Variants in COTL1 observed in about 807,000 individuals in gnomAD.
COTL1 encodes the protein coactosin like F-actin binding protein 1, also known as coactosin-like protein.
Under a neutral mutation model 16.5 loss-of-function variants are expected in COTL1, and 15 were observed. The ratio of observed to expected loss-of-function variants is 0.91; its 90% CI spans 0.61 to 1.40. The LOEUF is 1.40. COTL1 is among the 40% of genes most tolerant of loss of function. The probability of loss-of-function intolerance (pLI) is 0.00; values close to 1 mark genes in which losing one functional copy is unlikely to be tolerated. For synonymous variants in COTL1, 112 were observed against 85.3 expected (o/e 1.31, Z -1.73); for missense variants, 220 against 201.5 (o/e 1.09, Z -0.56).
intron 3 of COTL1, chr16:84,568,825 C>A (rs1904309661): frequency 6.6e-6 from 1 of 152,154 alleles, no homozygotes; most frequent in Non-Finnish European, 1.5e-5. Context: ...AACATTATTT[C>A]CATTTTAAAG....
At chr16:84,617,742 G>A (rs996619244) in intron 1 of COTL1, 96 bp downstream of exon 1, 17 of 1,402,514 alleles carry the variant, frequency 1.2e-5, no homozygotes, top group Non-Finnish European at 1.6e-5. Flanking sequence ...GACAGCGCGG[G>A]AGGCCCGAAT....
chr16:84,605,945 T>C (rs1471267028), intron 2 of COTL1, among the ~76,000 whole-genome samples: 1 of 152,250 alleles, frequency 6.6e-6, no homozygotes, highest in Non-Finnish European at 1.5e-5. Context: ...TATCAACTTA[T>C]TTATTTATTG....
At chr16:84,587,352 A>G (rs1045576965) in intron 3 of COTL1, among the ~76,000 whole-genome samples, 9 of 152,192 alleles carry the variant, frequency 5.9e-5, no homozygotes, top group African/African-American at 2.2e-4. Flanking sequence ...AAAAATGATT[A>G]TCTCGCCTCT....
intron 3 of COTL1, among the ~76,000 whole-genome samples, chr16:84,579,700 G>A (rs1490307608): frequency 6.6e-6 from 1 of 152,180 alleles, no homozygotes; most frequent in Non-Finnish European, 1.5e-5. Flanking sequence ...AAACCACCAC[G>A]GGGCGAAGAC....
intron 3 of COTL1, among the ~76,000 whole-genome samples, chr16:84,579,616 G>T (rs1308253569): frequency 2.0e-5 from 3 of 152,236 alleles, no homozygotes; most frequent in East Asian, 3.8e-4. Flanking sequence ...TGTGTGAGGT[G>T]GGGGGTAGTG....
chr16:84,616,508 T>A (rs1391157243), intron 2 of COTL1: 2 of 151,030 alleles, frequency 1.3e-5, no homozygotes, highest in African/African-American at 4.9e-5. Flanking sequence ...GTCTCAAAAA[T>A]AAATAAATAA....
chr16:84,587,644 G>A (rs958114600), intron 3 of COTL1, among the ~76,000 whole-genome samples: 1 of 151,792 alleles, frequency 6.6e-6, no homozygotes, highest in African/African-American at 2.4e-5. Flanking sequence ...AGATGAGAGT[G>A]TGACCTATAG....
intron 3 of COTL1, among the ~76,000 whole-genome samples, chr16:84,574,329 A>G (rs1165086942): frequency 6.6e-6 from 1 of 152,192 alleles, no homozygotes; most frequent in Non-Finnish European, 1.5e-5. Flanking sequence ...CCCTCGAGGC[A>G]GCTGCCACAA....
chr16:84,576,797 C>G (rs1028798698), intron 3 of COTL1: 1 of 152,380 alleles, frequency 6.6e-6, no homozygotes. Context: ...GGGATCAGAG[C>G]ATAGCTCTCA....
At chr16:84,568,298 A>C (rs1904307513) in intron 3 of COTL1, 1 of 152,218 alleles carries the variant, frequency 6.6e-6, no homozygotes, top group Admixed American at 6.5e-5. Flanking sequence ...ACGCCCGGCT[A>C]ACCACAATTA....
chr16:84,600,474 G>A (rs140301622), intron 2 of COTL1, among the ~76,000 whole-genome samples: 4 of 152,162 alleles, frequency 2.6e-5, no homozygotes, highest in Non-Finnish European at 5.9e-5. Context: ...CACCATGCTC[G>A]GCTAATTTTT....
At chr16:84,585,889 C>A (rs1400632715) in intron 3 of COTL1, among the ~76,000 whole-genome samples, 1 of 152,170 alleles carries the variant, frequency 6.6e-6, no homozygotes, top group Non-Finnish European at 1.5e-5. Flanking sequence ...TAGTTCAGGC[C>A]AGTATTCCAG....
chr16:84,569,810 C>T (rs570096826), intron 3 of COTL1, among the ~76,000 whole-genome samples: 4 of 152,196 alleles, frequency 2.6e-5, no homozygotes, highest in Admixed American at 6.5e-5. Flanking sequence ...CTGAGCCCCA[C>T]GGCATGAGGG....
intron 2 of COTL1, chr16:84,594,647 A>T (rs1397948784): frequency 6.6e-6 from 1 of 152,206 alleles, no homozygotes; most frequent in Non-Finnish European, 1.5e-5. Context: ...TTCCATGGTA[A>T]CCGCTCTCGG....
In COTL1 at chr16:84,618,009, G is replaced by T; in HGVS notation, c.-95C>A. 3 of 749,030 alleles carry T rather than the reference G, an allele frequency of 4.0e-6. No homozygotes were observed. Among genetic ancestry groups the T allele is most frequent in the Non-Finnish European group, 5.3e-6 (3 of 568,144 alleles). 46.4% of individuals were successfully genotyped at this position (749,030 alleles called of 1,614,324 possible). A position where few individuals can be genotyped will look rare whatever the true frequency, so the allele number is the denominator to read the frequency against. On this transcript the variant is annotated 5_prime_UTR_variant, in exon 1 of 4. Transcript: ENST00000262428. ...AGCGCGGCGGGTACGCGCCGAGGGC[G>T]CACGGGCTGGCGGCGGTGGCGACGG...
At chr16:84,605,775 C>T (rs1905200258) in intron 2 of COTL1, among the ~76,000 whole-genome samples, 1 of 152,256 alleles carries the variant, frequency 6.6e-6, no homozygotes. Flanking sequence ...TCCTGTGAGG[C>T]TCATGTCAGA....
At chr16:84,591,449 G>A (rs1904860270) in intron 2 of COTL1, among the ~76,000 whole-genome samples, 2 of 151,400 alleles carry the variant, frequency 1.3e-5, no homozygotes, top group Admixed American at 6.6e-5. Context: ...CTCCCAAAGT[G>A]CTGGGATTAC....
chr16:84,608,584 T>A (rs981714328), intron 2 of COTL1, among the ~76,000 whole-genome samples: 1 of 152,202 alleles, frequency 6.6e-6, no homozygotes, highest in African/African-American at 2.4e-5. Context: ...AAGGTAATGT[T>A]TTCGCAGCCC....
intron 2 of COTL1, among the ~76,000 whole-genome samples, chr16:84,591,529 G>A (rs553823712): frequency 2.7e-5 from 4 of 149,986 alleles, no homozygotes; most frequent in African/African-American, 9.8e-5. Context: ...GCCAGGTATG[G>A]TGGCTCACCC....
Sources: allele counts gnomAD v4.1 joint callset (sites outside exome capture counted in the v4.1 genomes callset), GRCh38; gene constraint gnomAD v4.1.1; transcripts MANE v1.5; gene names NCBI Gene and HGNC (gene_info 2026-07-23, HGNC 2026-07-21).